Variants in SUMF1 observed in about 807,000 individuals in gnomAD.
SUMF1 encodes the protein sulfatase modifying factor 1, also known as formylglycine-generating enzyme.
A neutral mutation model predicts 47.6 loss-of-function variants in SUMF1; 48 were observed. That is an observed-to-expected ratio of 1.01 (90% CI 0.80 to 1.28). The LOEUF (loss-of-function observed/expected upper bound fraction) is 1.28, where lower values mean the gene tolerates loss of function less well. Among genes scored for constraint, SUMF1 ranks in the 50% most tolerant of loss-of-function variants. The pLI is 0.00. For synonymous variants in SUMF1, 230 were observed against 192.1 expected, an observed-to-expected ratio of 1.20 and a Z score of -1.63; for missense variants, 571 against 485.4, an observed-to-expected ratio of 1.18 and a Z score of -1.66.
Position 4,285,934 on chromosome 3 carries a change from G to T in SUMF1, c.1014+90396C>A, listed in dbSNP as rs1275737446. ...TCATTAATTCAAGCTAATAGTCGGA[G>T]CATGTTGTCAAATAAATCCTAACTA... On this transcript the variant is annotated intron_variant and NMD_transcript_variant, in intron 8 of 12. Coordinates refer to the SUMF1 transcript ENST00000448413. Among the ~76,000 whole-genome samples the T allele has an allele frequency of 2.0e-5, 3 of 152,052 alleles. No individual in the cohort carries two copies. The East Asian group carries it at 5.8e-4, about 29-fold the overall frequency.
At chr3:4,083,560 T>G (rs1385309202) in intron 8 of SUMF1, among the ~76,000 whole-genome samples, 1 of 152,076 alleles carries the variant, frequency 6.6e-6, no homozygotes, top group Non-Finnish European at 1.5e-5. Context: ...CCCCCAATAT[T>G]CTGCTACCAC....
At chr3:4,462,984 G>T (rs1255617252) in intron 1 of SUMF1, among the ~76,000 whole-genome samples, 1 of 152,160 alleles carries the variant, frequency 6.6e-6, no homozygotes, top group Non-Finnish European at 1.5e-5. Flanking sequence ...GATGAATACA[G>T]CAAAAGAATA....
intron 8 of SUMF1, among the ~76,000 whole-genome samples, chr3:4,338,259 G>T (rs1439121523): frequency 1.3e-5 from 2 of 151,042 alleles, no homozygotes; most frequent in Non-Finnish European, 2.9e-5. Context: ...GGCAGACAAA[G>T]TGAGACCCTG....
chr3:4,180,205 A>G (rs1036948433), intron 8 of SUMF1, among the ~76,000 whole-genome samples: 2 of 152,180 alleles, frequency 1.3e-5, no homozygotes, highest in Admixed American at 6.5e-5. Context: ...TACATACCCA[A>G]AGGATTATAA....
At chr3:4,051,120 C>CA (rs371165129) in intron 9 of SUMF1, among the ~76,000 whole-genome samples, 218 of 135,374 alleles carry the variant, frequency 1.6e-3, no homozygotes, top group African/African-American at 4.7e-3. Flanking sequence ...CATTCTAAGG[C>CA]AAAAAAAAGA....
At chr3:4,348,595 T>A (rs1201237679) in intron 8 of SUMF1, among the ~76,000 whole-genome samples, 1 of 152,050 alleles carries the variant, frequency 6.6e-6, no homozygotes, top group East Asian at 1.9e-4. Flanking sequence ...CCAGGCACAG[T>A]GGCTCAAGCC....
rs192119087 is a variant in SUMF1, at chr3:4,344,692, A to C, written c.1014+31638T>G. On this transcript the variant is annotated intron_variant and NMD_transcript_variant, in intron 8 of 12. Coordinates refer to the SUMF1 transcript ENST00000448413. ...AACTGAATGGAGGATCAGACGGATGAATTGACAGTAGGCTTCAAAAGATGG... is the reference window on the plus strand; with the variant it reads ...AACTGAATGGAGGATCAGACGGATGCATTGACAGTAGGCTTCAAAAGATGG... Among the ~76,000 whole-genome samples, 109 of 152,252 alleles carry C rather than the reference A, an allele frequency of 7.2e-4. 1 individual carries two copies. The highest frequency in any genetic ancestry group is 1.9e-4 in the Non-Finnish European group (13 of 68,012).
At chr3:4,103,246 A>G (rs1026944637) in intron 8 of SUMF1, among the ~76,000 whole-genome samples, 2 of 152,032 alleles carry the variant, frequency 1.3e-5, no homozygotes, top group African/African-American at 4.8e-5. Context: ...ATAAAAAAAA[A>G]AAGAAAGAAA....
intron 8 of SUMF1, among the ~76,000 whole-genome samples, chr3:4,289,408 G>A (rs1193639272): frequency 2.0e-5 from 3 of 152,156 alleles, no homozygotes; most frequent in Non-Finnish European, 4.4e-5. Context: ...AAAGAGCAAG[G>A]AACCGCACTG....
chr3:4,267,928 C>T (rs1697229316), intron 8 of SUMF1, among the ~76,000 whole-genome samples: 1 of 151,038 alleles, frequency 6.6e-6, no homozygotes, highest in Non-Finnish European at 1.5e-5. Context: ...TATAAAGACA[C>T]ATGCACACGT....
intron 8 of SUMF1, among the ~76,000 whole-genome samples, chr3:4,368,900 G>A (rs1700077516): frequency 6.6e-6 from 1 of 152,160 alleles, no homozygotes; most frequent in Admixed American, 6.5e-5. Context: ...TGTGTGCCAT[G>A]AGCATAAACT....
At chr3:4,047,788 T>C (rs1695031265) in intron 9 of SUMF1, among the ~76,000 whole-genome samples, 1 of 152,152 alleles carries the variant, frequency 6.6e-6, no homozygotes, top group Admixed American at 6.6e-5. Flanking sequence ...AGTTTGAATC[T>C]AAAGCACTAC....
At chr3:4,092,586 T>C (rs758109198) in intron 8 of SUMF1, among the ~76,000 whole-genome samples, 3 of 152,162 alleles carry the variant, frequency 2.0e-5, no homozygotes, top group Non-Finnish European at 2.9e-5. Context: ...CATGTCATAT[T>C]CCTAGCCTGC....
chr3:4,139,851 A>G (rs1200755539), intron 8 of SUMF1, among the ~76,000 whole-genome samples: 2 of 151,908 alleles, frequency 1.3e-5, no homozygotes. Context: ...CAATGATTCC[A>G]GCCTACTCTT....
intron 8 of SUMF1, among the ~76,000 whole-genome samples, chr3:4,188,831 G>A (rs1695256255): frequency 6.6e-6 from 1 of 152,068 alleles, no homozygotes. Context: ...CCTTGTACAT[G>A]GTATCCCTAT....
At chr3:4,193,457 G>T (rs760386540) in intron 8 of SUMF1, among the ~76,000 whole-genome samples, 13 of 152,060 alleles carry the variant, frequency 8.5e-5, no homozygotes, top group South Asian at 2.1e-4. Flanking sequence ...GGTGGACTGG[G>T]GACACCCGAA....
At chr3:4,115,418 C>A (rs1182526401) in intron 8 of SUMF1, among the ~76,000 whole-genome samples, 2 of 152,126 alleles carry the variant, frequency 1.3e-5, no homozygotes, top group Non-Finnish European at 2.9e-5. Flanking sequence ...AGGCAGAGGG[C>A]CTAATTGAGC....
chr3:4,140,797 C>T (rs1236174526), intron 8 of SUMF1, among the ~76,000 whole-genome samples: 1 of 151,860 alleles, frequency 6.6e-6, no homozygotes, highest in African/African-American at 2.4e-5. Context: ...GAGGGATATC[C>T]TTAGAATAGA....
intron 8 of SUMF1, among the ~76,000 whole-genome samples, chr3:4,244,375 T>A (rs1453704148): frequency 2.0e-5 from 3 of 152,252 alleles, no homozygotes; most frequent in Non-Finnish European, 4.4e-5. Context: ...CAATTTGGCA[T>A]GTTTCTGCAG....
Sources: gnomAD v4.1 joint callset for allele counts (sites outside exome capture counted in the v4.1 genomes callset) on GRCh38, gnomAD v4.1.1 for gene constraint, MANE v1.5 for transcripts, NCBI Gene and HGNC (gene_info 2026-07-23, HGNC 2026-07-21) for gene names.